Variants in ERBB4 observed in about 807,000 individuals in gnomAD.
The protein encoded by ERBB4 is erb-b2 receptor tyrosine kinase 4.
Under a neutral mutation model 158.0 loss-of-function variants are expected in ERBB4, and 42 were observed. The observed-to-expected ratio is 0.27, with a 90% CI of 0.21 to 0.34. The LOEUF is 0.34. Ranked by LOEUF, ERBB4 falls within the 10% of genes least tolerant of loss-of-function variation. The pLI, the probability that ERBB4 is intolerant of heterozygous loss-of-function variation, is 1.00. For synonymous variants in ERBB4, 583 were observed against 558.7 expected (o/e 1.04, Z -0.61); for missense variants, 1,333 against 1,624.1 (o/e 0.82, Z 3.08).
At chr2:212,274,124 A>AGTACT (rs1294841239) in intron 1 of ERBB4, among the ~76,000 whole-genome samples, 2 of 151,948 alleles carry the variant, frequency 1.3e-5, no homozygotes, top group East Asian at 1.9e-4. Context: ...ATAGATTTAC[A>AGTACT]GTACTGTACT....
chr2:212,069,377 T>TAAAAAAATTAAATG (rs899302110), intron 2 of ERBB4, among the ~76,000 whole-genome samples: 2 of 151,978 alleles, frequency 1.3e-5, no homozygotes, highest in African/African-American at 4.8e-5. Flanking sequence ...AACATCATTA[T>TAAAAAAATTAAATG]AAAAAAATTA....
At chr2:212,535,550 A>C (rs922998131) in intron 1 of ERBB4, among the ~76,000 whole-genome samples, 1 of 152,190 alleles carries the variant, frequency 6.6e-6, no homozygotes, top group Non-Finnish European at 1.5e-5. Flanking sequence ...ACTAAGGTAT[A>C]TAAGAGTACC....
At chr2:212,274,513 G>A (rs2085455167) in intron 1 of ERBB4, among the ~76,000 whole-genome samples, 1 of 151,736 alleles carries the variant, frequency 6.6e-6, no homozygotes, top group South Asian at 2.1e-4. Context: ...AGCAACTAGC[G>A]GAGGCTAGAA....
At chr2:212,487,787 C>T (rs1282835378) in intron 1 of ERBB4, among the ~76,000 whole-genome samples, 3 of 152,082 alleles carry the variant, frequency 2.0e-5, no homozygotes, top group African/African-American at 7.2e-5. Flanking sequence ...GCTTAGCCTA[C>T]CTTATTCTCT....
intron 1 of ERBB4, among the ~76,000 whole-genome samples, chr2:212,166,211 T>C (rs1424649043): frequency 6.6e-6 from 1 of 152,092 alleles, no homozygotes; most frequent in Non-Finnish European, 1.5e-5. Flanking sequence ...TCAGTTCTGA[T>C]CCATCTTTGA....
chr2:212,468,881 C>T (rs1688976714), intron 1 of ERBB4, among the ~76,000 whole-genome samples: 1 of 152,182 alleles, frequency 6.6e-6, no homozygotes, highest in Non-Finnish European at 1.5e-5. Context: ...TTATCTGCCA[C>T]ATTACCAATT....
chr2:211,802,083 AC>A (rs1315966609), intron 3 of ERBB4, among the ~76,000 whole-genome samples: 2 of 151,770 alleles, frequency 1.3e-5, no homozygotes, highest in African/African-American at 4.8e-5. Context: ...CACGGTGAAA[AC>A]CCGTCTCTAC....
chr2:212,068,359 G>T (rs1039196772), intron 2 of ERBB4, among the ~76,000 whole-genome samples: 1 of 151,954 alleles, frequency 6.6e-6, no homozygotes, highest in Non-Finnish European at 1.5e-5. Context: ...CATTGTTTTG[G>T]ACTCAGTTTT....
chr2:212,150,190 A>C (rs10932423), intron 1 of ERBB4, among the ~76,000 whole-genome samples: 82,497 of 151,874 alleles, frequency 0.54, 23,043 homozygotes, highest in Non-Finnish European at 0.59. Context: ...TGCTGGAGAC[A>C]ATGCTGCCTC....
At chr2:211,772,918 C>CATAT (rs2075746276) in intron 4 of ERBB4, among the ~76,000 whole-genome samples, 1 of 46,812 alleles carries the variant, frequency 2.1e-5, no homozygotes, top group African/African-American at 9.5e-5. Context: ...TACACACACA[C>CATAT]ACACACATAT....
At chr2:211,771,129 T>C (rs777209435) in intron 4 of ERBB4, among the ~76,000 whole-genome samples, 2 of 152,222 alleles carry the variant, frequency 1.3e-5, no homozygotes, top group African/African-American at 2.4e-5. Context: ...ATTCTGAAGA[T>C]AGTCAGATTC....
At chr2:211,660,657 C>G (rs1331839146) in intron 15 of ERBB4, among the ~76,000 whole-genome samples, 3 of 152,024 alleles carry the variant, frequency 2.0e-5, no homozygotes, top group African/African-American at 7.2e-5. Context: ...GGAAAGAAGG[C>G]ATGAGTATAA....
intron 1 of ERBB4, among the ~76,000 whole-genome samples, chr2:212,417,258 G>A (rs1574879604): frequency 6.6e-6 from 1 of 151,876 alleles, no homozygotes; most frequent in Non-Finnish European, 1.5e-5. Context: ...GGCAGATGAA[G>A]CAATATCTAT....
chr2:212,204,194 C>G lies in ERBB4; in HGVS notation c.83-79291G>C, dbSNP rs2082668515. On this transcript the variant is annotated intron_variant, in intron 1 of 27. Coordinates refer to ENST00000342788, the MANE Select transcript of ERBB4 (RefSeq NM_005235.3). ...CTTGGAGCATTTTGCCCTCTACTTA[C>G]TAATGATTCTATTATCGCTAGAGTA... Among the ~76,000 whole-genome samples the G allele has an allele frequency of 2.6e-5, 4 of 152,156 alleles. No homozygotes were observed. The South Asian group carries it at 8.3e-4, about 31-fold the overall frequency.
intron 3 of ERBB4, among the ~76,000 whole-genome samples, chr2:211,843,415 G>GCGCACA (rs147810608): frequency 3.3e-5 from 5 of 149,930 alleles, no homozygotes; most frequent in African/African-American, 1.2e-4. Flanking sequence ...GCGTGCGTGT[G>GCGCACA]CACACACACA....
intron 3 of ERBB4, among the ~76,000 whole-genome samples, chr2:211,793,533 T>G (rs540480245): frequency 8.1e-4 from 123 of 152,110 alleles, no homozygotes; most frequent in African/African-American, 2.9e-3. Flanking sequence ...AAACCCATTT[T>G]CAAGATGAAG....
intron 1 of ERBB4, among the ~76,000 whole-genome samples, chr2:212,426,580 T>C (rs747477537): frequency 2.6e-5 from 4 of 152,100 alleles, no homozygotes; most frequent in Non-Finnish European, 5.9e-5. Context: ...ATTGTGAATA[T>C]GAAAGTTCCT....
intron 1 of ERBB4, among the ~76,000 whole-genome samples, chr2:212,513,274 A>G (rs1691627302): frequency 6.6e-6 from 1 of 152,220 alleles, no homozygotes; most frequent in Admixed American, 6.5e-5. Flanking sequence ...TTTGTTTTAT[A>G]TATTCAGCAC....
intron 1 of ERBB4, among the ~76,000 whole-genome samples, chr2:212,325,591 C>A (rs1010010597): frequency 6.6e-6 from 1 of 150,442 alleles, no homozygotes; most frequent in Admixed American, 6.6e-5. Flanking sequence ...TTGTTTAGTT[C>A]GAACTGTGGG....
Sources: gnomAD v4.1 joint callset for allele counts (sites outside exome capture counted in the v4.1 genomes callset) on GRCh38, gnomAD v4.1.1 for gene constraint, MANE v1.5 for transcripts, NCBI Gene and HGNC (gene_info 2026-07-23, HGNC 2026-07-21) for gene names.